The following AP1M1 variants were observed in gnomAD, a reference collection of about 807,000 sequenced individuals.
AP1M1 encodes AP-1 complex subunit mu-1.
A neutral mutation model predicts 57.1 loss-of-function variants in AP1M1; 18 were observed. The observed-to-expected ratio is 0.32, with a 90% CI of 0.22 to 0.47. AP1M1 has a LOEUF of 0.47. Among genes scored for constraint, AP1M1 ranks in the 20% least tolerant of loss-of-function variants. AP1M1 has a pLI of 1.00. For synonymous variants in AP1M1, 241 were observed against 237.9 expected (o/e 1.01, Z -0.12); for missense variants, 362 against 593.5 (o/e 0.61, Z 4.05).
At chr19:16,217,118 G>A (rs285273) in intron 5 of AP1M1, among the ~76,000 whole-genome samples, 4,692 of 152,276 alleles carry the variant, frequency 0.031, 248 homozygotes, top group African/African-American at 0.11. Context: ...GGTGGGTGCA[G>A]GACTGTGTGT....
chr19:16,218,366 C>G (rs1025365695), intron 5 of AP1M1, among the ~76,000 whole-genome samples: 17 of 152,242 alleles, frequency 1.1e-4, no homozygotes, highest in African/African-American at 4.1e-4. Context: ...CCCCTGCCAA[C>G]GCAGCTGGCC....
chr19:16,202,551 A>G (rs965425675), intron 1 of AP1M1, among the ~76,000 whole-genome samples: 11 of 152,116 alleles, frequency 7.2e-5, no homozygotes, highest in Admixed American at 2.0e-4. Flanking sequence ...TGTGTTTTTC[A>G]TCACCATTTT....
At chr19:16,210,420 G>T in intron 5 of AP1M1, 1 of 717,752 alleles carries the variant, frequency 1.4e-6, no homozygotes, top group Non-Finnish European at 2.6e-6. Context: ...ACCTTTATAA[G>T]AAACTGCCAA....
Position 16,207,055 on chromosome 19 carries a change from C to G in AP1M1, c.267+647C>G, listed in dbSNP as rs1261110751. Among the ~76,000 whole-genome samples the G allele has an allele frequency of 6.6e-6, 1 of 152,178 alleles. No homozygotes were observed. The highest frequency in any genetic ancestry group is 1.5e-5 in the Non-Finnish European group (1 of 68,026). On this transcript the variant is annotated intron_variant, in intron 3 of 11. Transcript: ENST00000291439. The surrounding 1 kb of genome is among the most constrained non-coding windows in gnomAD (Gnocchi z 4.2). ...GGAGACTGACAAGACGTGGTTTGAT[C>G]TAAAGCAGCCTCTCTGGCTGCTGAG...
chr19:16,212,767 C>T lies in AP1M1; in HGVS notation c.546+3590C>T, dbSNP rs149770950. 4.0e-3 allele frequency among the ~76,000 whole-genome samples: 608 copies of T among 152,234 alleles called. 7 individuals are homozygous for T. The highest frequency in any genetic ancestry group is 0.013 in the African/African-American group (534 of 41,530). ...AAATTTCTCTTAACACTGCCCTAGC[C>T]GTGTCCCAGAGATTCTGGTCTGTTG... On this transcript the variant is annotated intron_variant, in intron 5 of 11. Coordinates refer to ENST00000291439, the MANE Select transcript of AP1M1 (RefSeq NM_032493.4).
chr19:16,223,421 G>A (rs1599462895), intron 5 of AP1M1, among the ~76,000 whole-genome samples: 2 of 152,200 alleles, frequency 1.3e-5, no homozygotes, highest in South Asian at 4.1e-4. Context: ...CTGTCTACCT[G>A]GTACTTTTCT....
chr19:16,209,818 A>G (rs535957561), intron 5 of AP1M1, among the ~76,000 whole-genome samples: 5 of 152,184 alleles, frequency 3.3e-5, no homozygotes, highest in African/African-American at 1.2e-4. Flanking sequence ...TTTTGCGTTC[A>G]GTGTTACTGT....
chr19:16,211,692 G>C (rs1181255675), intron 5 of AP1M1, among the ~76,000 whole-genome samples: 1 of 152,022 alleles, frequency 6.6e-6, no homozygotes, highest in Non-Finnish European at 1.5e-5. Context: ...AGAGGTTGCA[G>C]TGAGTCCAGA....
intron 5 of AP1M1, among the ~76,000 whole-genome samples, chr19:16,222,310 C>T (rs889875476): frequency 3.3e-5 from 5 of 151,130 alleles, no homozygotes; most frequent in African/African-American, 7.3e-5. Flanking sequence ...TGGGCTCAAG[C>T]GATCCTTCTG....
chr19:16,235,364 CA>C lies in AP1M1; in HGVS notation c.*930del, dbSNP rs2091620703. ...AATACTCCACAGCCTTCCTCTGATGCAGCGTGGTCCCAACTCCTCCTGCGTG... is the reference window on the plus strand; with the variant it reads ...AATACTCCACAGCCTTCCTCTGATGCGCGTGGTCCCAACTCCTCCTGCGTG... On this transcript the variant is annotated 3_prime_UTR_variant, in exon 12 of 12. Transcript: ENST00000291439. 1 of 152,314 alleles carries C rather than the reference CA, an allele frequency of 6.6e-6. No individual in the cohort carries two copies. The highest frequency in any genetic ancestry group is 6.5e-5 in the Admixed American group (1 of 15,284). 9.4% of individuals were successfully genotyped at this position (152,314 alleles called of 1,614,324 possible).
chr19:16,229,716 A>G (rs1756872768), intron 9 of AP1M1, among the ~76,000 whole-genome samples: 1 of 152,202 alleles, frequency 6.6e-6, no homozygotes, highest in South Asian at 2.1e-4. Flanking sequence ...GACATAAAAT[A>G]CAGAAAGTAG....
intron 5 of AP1M1, chr19:16,210,344 G>GT: frequency 1.4e-6 from 1 of 717,514 alleles, no homozygotes; most frequent in East Asian, 2.7e-5. Context: ...GTGGACATAA[G>GT]TTTTCATCTC....
At position 16,241,719 on chromosome 19, in the gene AP1M1, G is replaced by A. The variant is rs1271898866; in HGVS notation, c.*7284G>A. The A allele has an allele frequency of 1.3e-5, 2 of 152,362 alleles. No individual in the cohort carries two copies. Among genetic ancestry groups the A allele is most frequent in the African/African-American group, 4.8e-5 (2 of 41,582 alleles). 9.4% of individuals were successfully genotyped at this position (152,362 alleles called of 1,614,324 possible). A position where few individuals can be genotyped will look rare whatever the true frequency, so the allele number is the denominator to read the frequency against. ...GCGTAGAAAAATCAGGAGGCACTGG[G>A]CGCGGTGGCTCACGCCTGTAATCCC... On this transcript the variant is annotated 3_prime_UTR_variant, in exon 12 of 12. Coordinates refer to ENST00000291439, the MANE Select transcript of AP1M1 (RefSeq NM_032493.4).
intron 5 of AP1M1, among the ~76,000 whole-genome samples, chr19:16,216,350 C>G (rs545301409): frequency 6.6e-6 from 1 of 151,824 alleles, no homozygotes; most frequent in Admixed American, 6.6e-5. Context: ...GAGGCTGAGG[C>G]AGGAGAATGG....
intron 5 of AP1M1, among the ~76,000 whole-genome samples, chr19:16,222,914 A>G (rs1381726201): frequency 6.6e-6 from 1 of 152,138 alleles, no homozygotes; most frequent in Non-Finnish European, 1.5e-5. Flanking sequence ...AGCATTTGCA[A>G]TTTTAAAAAT....
At chr19:16,202,089 A>C (rs1473095840) in intron 1 of AP1M1, among the ~76,000 whole-genome samples, 5 of 152,108 alleles carry the variant, frequency 3.3e-5, no homozygotes, top group Non-Finnish European at 7.4e-5. Context: ...ACACGTCATC[A>C]CCTGCCTCCC....
chr19:16,209,480 G>A (rs2091484494), intron 5 of AP1M1, among the ~76,000 whole-genome samples: 2 of 152,108 alleles, frequency 1.3e-5, no homozygotes, highest in East Asian at 1.9e-4. Context: ...ATAGGCACCC[G>A]CCACCACGCT....
intron 9 of AP1M1, 102 bp downstream of exon 9, chr19:16,229,030 G>A: frequency 3.6e-6 from 5 of 1,373,712 alleles, no homozygotes; most frequent in Non-Finnish European, 5.0e-6. Flanking sequence ...GGTGACAGTG[G>A]CCACTGTGTC....
Position 16,212,248 on chromosome 19 carries a change from T to G in AP1M1, c.546+3071T>G, listed in dbSNP as rs150682018. ...TCTGGTCCAGGTTTTTTTTGGTTGTTAGGCTATTTATTACTGATGCAATTT... is the reference window on the plus strand; with the variant it reads ...TCTGGTCCAGGTTTTTTTTGGTTGTGAGGCTATTTATTACTGATGCAATTT... On this transcript the variant is annotated intron_variant, in intron 5 of 11. Transcript: ENST00000291439. 3.9e-5 allele frequency among the ~76,000 whole-genome samples: 6 copies of G among 152,288 alleles called. No individual in the cohort carries two copies. In the East Asian group the frequency reaches 9.6e-4, roughly 24 times the overall value.
Sources: gnomAD v4.1 joint callset for allele counts (sites outside exome capture counted in the v4.1 genomes callset) on GRCh38, gnomAD v4.1.1 for gene constraint, Gnocchi (gnomAD v3.1) non-coding constraint, MANE v1.5 for transcripts, NCBI Gene and HGNC (gene_info 2026-07-23, HGNC 2026-07-21) for gene names.